Variants in AGTPBP1 observed in about 807,000 individuals in gnomAD.
AGTPBP1 encodes ATP/GTP binding carboxypeptidase 1.
AGTPBP1 carries 70 observed loss-of-function variants against 143.9 expected under a neutral mutation model. That is an observed-to-expected ratio of 0.49 (90% CI 0.40 to 0.59). AGTPBP1 has a LOEUF of 0.59. AGTPBP1 is among the 20% of genes least tolerant of loss of function. The pLI is 0.00. For synonymous variants in AGTPBP1, 463 were observed against 500.2 expected (o/e 0.93, Z 0.99); for missense variants, 1,229 against 1,464.5 (o/e 0.84, Z 2.62).
At chr9:85,559,571 A>G (rs951731954) in intron 25 of AGTPBP1, among the ~76,000 whole-genome samples, 23 of 152,236 alleles carry the variant, frequency 1.5e-4, no homozygotes, top group African/African-American at 5.3e-4. Flanking sequence ...GCAGTTTCAC[A>G]TGACCAGCAA....
intron 1 of AGTPBP1, among the ~76,000 whole-genome samples, chr9:85,730,499 T>A (rs1838807291): frequency 6.6e-6 from 1 of 152,134 alleles, no homozygotes; most frequent in Non-Finnish European, 1.5e-5. Context: ...CAAGGATGGT[T>A]CTTCTACCAC....
At chr9:85,781,085 A>G in the AGTPBP1 span, 2 of 1,329,602 alleles carry the variant, frequency 1.5e-6, no homozygotes, top group East Asian at 3.0e-5. Context: ...ACGCCACTGC[A>G]CTCTAGCCTG....
intron 25 of AGTPBP1, among the ~76,000 whole-genome samples, chr9:85,555,366 G>A (rs1321649371): frequency 6.6e-6 from 1 of 152,282 alleles, no homozygotes; most frequent in East Asian, 1.9e-4. Context: ...TTGGGAGGCC[G>A]AGGCGGGTAG....
chr9:85,567,440 A>G (rs1172243984), intron 25 of AGTPBP1, among the ~76,000 whole-genome samples: 1 of 152,084 alleles, frequency 6.6e-6, no homozygotes, highest in African/African-American at 2.4e-5. Context: ...AAAATACAAA[A>G]GTTAGCCAGG....
intron 13 of AGTPBP1, among the ~76,000 whole-genome samples, chr9:85,637,933 G>A (rs1361147701): frequency 1.3e-5 from 2 of 152,154 alleles, no homozygotes; most frequent in Non-Finnish European, 2.9e-5. Context: ...GCCACTAAAC[G>A]ACGTGATCCC....
the AGTPBP1 span, among the ~76,000 whole-genome samples, chr9:85,776,149 G>T: frequency 2.6e-5 from 4 of 152,110 alleles, no homozygotes; most frequent in Non-Finnish European, 5.9e-5. Flanking sequence ...ATTACATAAA[G>T]TTAACAGTAC....
the AGTPBP1 span, among the ~76,000 whole-genome samples, chr9:85,756,543 G>GGATT: frequency 6.8e-6 from 1 of 147,708 alleles, no homozygotes; most frequent in Non-Finnish European, 1.5e-5. Flanking sequence ...ATGGATAGAT[G>GGATT]GATAGATAGA....
chr9:85,700,563 C>T (rs1428027167), intron 2 of AGTPBP1, among the ~76,000 whole-genome samples: 1 of 152,166 alleles, frequency 6.6e-6, no homozygotes, highest in East Asian at 1.9e-4. Context: ...ATGTGACCAG[C>T]CCTTGTGACT....
chr9:85,547,251 C>T lies in AGTPBP1; in HGVS notation c.3539G>A (p.Arg1180Gln), dbSNP rs774787421. The T allele has an allele frequency of 1.9e-6, 3 of 1,612,716 alleles. No homozygotes were observed. The highest frequency in any genetic ancestry group is 1.7e-4 in the Middle Eastern group (1 of 6,056). ...TTYVLDEDEP[R>Q]FLEEVDYSAE... ...ACTGTAATCAACTTCTTCAAGGAATCGAGGTTCATCTTCATCCAAGACATA... is the reference window on the plus strand; with the variant it reads ...ACTGTAATCAACTTCTTCAAGGAATTGAGGTTCATCTTCATCCAAGACATA... The change falls in exon 26 of 26, where the codon CGA becomes CAA. Residue 1180 changes from arginine (R) to glutamine (Q), a missense_variant. By Grantham distance (43) the Arg-to-Gln change is conservative. Transcript: ENST00000357081.
intron 5 of AGTPBP1, 93 bp downstream of exon 5, chr9:85,678,236 CCTCTAT>C: frequency 2.8e-6 from 2 of 708,016 alleles, no homozygotes; most frequent in Non-Finnish European, 4.6e-6. Flanking sequence ...CTCAGAATAG[CCTCTAT>C]AAGAGTATCG....
chr9:85,722,608 G>C (rs1412778692), intron 1 of AGTPBP1, among the ~76,000 whole-genome samples: 2 of 152,116 alleles, frequency 1.3e-5, no homozygotes, highest in Non-Finnish European at 2.9e-5. Flanking sequence ...CCTTGCGATG[G>C]GTTAGAACAT....
In AGTPBP1 at chr9:85,638,462, A is replaced by T. The variant is rs1014862632; in HGVS notation, c.1302+4365T>A. On this transcript the variant is annotated intron_variant, in intron 13 of 25. Transcript: ENST00000357081. ...GCAAGAAAAAGAGATAAACATAAAG[A>T]GATAAAACTATTAAAATAAGATTTC... Among the ~76,000 whole-genome samples, 10 of 152,138 alleles carry T rather than the reference A, an allele frequency of 6.6e-5. No individual in the cohort carries two copies. In the South Asian group the frequency reaches 1.9e-3, roughly 28 times the overall value.
At chr9:85,574,804 G>A (rs954024989) in intron 25 of AGTPBP1, among the ~76,000 whole-genome samples, 1 of 151,818 alleles carries the variant, frequency 6.6e-6, no homozygotes, top group Admixed American at 6.6e-5. Flanking sequence ...CACCTCCCAG[G>A]TTCAAGTGAT....
chr9:85,610,059 G>A (rs1195616983), intron 17 of AGTPBP1, among the ~76,000 whole-genome samples: 1 of 152,206 alleles, frequency 6.6e-6, no homozygotes, highest in Non-Finnish European at 1.5e-5. Context: ...GGAGGCAGAG[G>A]AGACTTGAAT....
intron 4 of AGTPBP1, among the ~76,000 whole-genome samples, chr9:85,679,031 T>A (rs1798288848): frequency 6.6e-6 from 1 of 152,250 alleles, no homozygotes; most frequent in Non-Finnish European, 1.5e-5. Context: ...AATATTTTGC[T>A]ATTAAAAGTT....
At chr9:85,800,845 C>T in the AGTPBP1 span, among the ~76,000 whole-genome samples, 8,704 of 136,184 alleles carry the variant, frequency 0.064, 818 homozygotes, top group African/African-American at 0.21. Context: ...GTGTGTGTAA[C>T]GTGTCTTATC....
the AGTPBP1 span, among the ~76,000 whole-genome samples, chr9:85,760,071 G>A: frequency 8.9e-4 from 136 of 152,086 alleles, 1 homozygote; most frequent in Middle Eastern, 3.4e-3. Flanking sequence ...TAAACCAGGA[G>A]GAAGTTGAAT....
At chr9:85,625,763 T>C (rs1831235942) in intron 14 of AGTPBP1, among the ~76,000 whole-genome samples, 1 of 151,742 alleles carries the variant, frequency 6.6e-6, no homozygotes, top group African/African-American at 2.4e-5. Flanking sequence ...CACGTGCCTG[T>C]AATCCCAGCT....
In AGTPBP1 at chr9:85,741,855, C is replaced by G; in HGVS notation, c.-114G>C. 1 of 1,397,368 alleles carries G rather than the reference C, an allele frequency of 7.2e-7. No individual in the cohort carries two copies. Among genetic ancestry groups the G allele is most frequent in the African/African-American group, 1.5e-5 (1 of 66,430 alleles). 86.6% of individuals were successfully genotyped at this position (1,397,368 alleles called of 1,614,324 possible). ...CACCTGGATCACGGCGGATCCCTCG[C>G]CGCCCGCCGCCCGGTGTTTTCATAC... is the stretch of plus-strand genomic sequence containing the variant. On this transcript the variant is annotated 5_prime_UTR_variant, in exon 1 of 26. Transcript: ENST00000357081.
Sources: allele counts gnomAD v4.1 joint callset (sites outside exome capture counted in the v4.1 genomes callset), GRCh38; gene constraint gnomAD v4.1.1; transcripts MANE v1.5; gene names NCBI Gene and HGNC (gene_info 2026-07-23, HGNC 2026-07-21).